COL4A3: variants seen among roughly 807,000 people sequenced by gnomAD.
The protein encoded by COL4A3 is collagen type IV alpha 3 chain, also known as collagen alpha-3(IV) chain.
In COL4A3, 135 loss-of-function variants were observed where a neutral mutation model predicts 217.4. That is an observed-to-expected ratio of 0.62 (90% CI 0.54 to 0.72). The LOEUF (loss-of-function observed/expected upper bound fraction) is 0.72, where lower values mean the gene tolerates loss of function less well. COL4A3 is among the 30% of genes least tolerant of loss of function. The pLI is 0.00. For synonymous variants in COL4A3, 690 were observed against 736.3 expected (o/e 0.94, Z 1.02); for missense variants, 1,868 against 2,119.9 (o/e 0.88, Z 2.33).
rs925887815 is a variant in COL4A3 at position 227,311,027 on chromosome 2, G to A, written c.4928+79G>A. 1.2e-5 allele frequency: 18 copies of A among 1,493,858 alleles called. No homozygotes were observed. The African/African-American group carries it at 1.2e-4, about 10-fold the overall frequency. The allele number at this position is 1,493,858 out of a possible 1,614,324, so 92.5% of individuals were successfully genotyped here. Reference sequence around the variant, plus strand: ...AGGTTGCCTGTGTTCTTGGGTCAACGAGTAGCCATGATTTTGTACTACTGT... The same window carrying A: ...AGGTTGCCTGTGTTCTTGGGTCAACAAGTAGCCATGATTTTGTACTACTGT... On this transcript the variant is annotated intron_variant, in intron 51 of 51. Transcript: ENST00000396578.
chr2:227,257,220 C>G (rs1019087277), intron 17 of COL4A3, among the ~76,000 whole-genome samples: 1 of 152,132 alleles, frequency 6.6e-6, no homozygotes, highest in Non-Finnish European at 1.5e-5. Flanking sequence ...GAAATGACTT[C>G]TTGAAGGAAA....
chr2:227,264,149 C>A (rs4396710), intron 21 of COL4A3, among the ~76,000 whole-genome samples: 1 of 152,076 alleles, frequency 6.6e-6, no homozygotes, highest in Non-Finnish European at 1.5e-5. Context: ...AGTCTTAGCC[C>A]GAGTTTCCCA....
At position 227,191,167 on chromosome 2, in the gene COL4A3, T is replaced by C. The variant is rs190920443; in HGVS notation, c.87+26354T>C. 5.3e-5 allele frequency among the ~76,000 whole-genome samples: 8 copies of C among 152,278 alleles called. No individual in the cohort carries two copies. The East Asian group carries it at 1.5e-3, about 29-fold the overall frequency. On this transcript the variant is annotated intron_variant, in intron 1 of 51. Transcript: ENST00000396578. The surrounding 1 kb of genome is among the most constrained non-coding windows in gnomAD (Gnocchi z 6.8). ...AAATTTTCTCAACCACTTTGCTCTT[T>C]TTGGATACTTGGGGAATAACAAAAT...
In COL4A3 at chr2:227,253,418, G is replaced by A. The variant is rs377105618; in HGVS notation, c.687+81G>A. 6.6e-7 allele frequency: 1 copy of A among 1,519,822 alleles called. No individual in the cohort carries two copies. The highest frequency in any genetic ancestry group is 1.4e-5 in the African/African-American group (1 of 73,088). 94.1% of individuals were successfully genotyped at this position (1,519,822 alleles called of 1,614,324 possible). ...ATCAGCCTATACCGTTTACTTACGG[G>A]CCAAGCTGAAATTGATGGGCCTTCA... is the stretch of plus-strand genomic sequence containing the variant. On this transcript the variant is annotated intron_variant, in intron 12 of 51. Transcript: ENST00000396578. The surrounding 1 kb of genome is among the most constrained non-coding windows in gnomAD (Gnocchi z 4.4).
At chr2:227,295,246 C>A in intron 40 of COL4A3, 23 bp from the exon 41 acceptor site, 1 of 1,612,760 alleles carries the variant, frequency 6.2e-7, no homozygotes, top group Non-Finnish European at 8.5e-7. Context: ...CAATTATTAA[C>A]ATGCCAAGAT....
chr2:227,240,473 G>A (rs1049590088), intron 3 of COL4A3, among the ~76,000 whole-genome samples: 5 of 152,130 alleles, frequency 3.3e-5, no homozygotes, highest in African/African-American at 1.2e-4. Flanking sequence ...CTAACCTACA[G>A]TGTCTACATC....
intron 35 of COL4A3, among the ~76,000 whole-genome samples, 157 bp from the exon 36 acceptor site, chr2:227,289,842 C>A (rs1015126639): frequency 2.0e-5 from 3 of 152,132 alleles, no homozygotes; most frequent in Admixed American, 6.6e-5. Flanking sequence ...GTCCCTAGTT[C>A]CCTCTTATTT....
In COL4A3 at chr2:227,269,818, G is replaced by A. The variant is rs1022217548; in HGVS notation, c.1505-92G>A. 18 of 1,074,186 alleles carry A rather than the reference G, an allele frequency of 1.7e-5. No homozygotes were observed. The African/African-American group carries it at 2.7e-4, about 16-fold the overall frequency. 66.5% of individuals were successfully genotyped at this position (1,074,186 alleles called of 1,614,324 possible). On this transcript the variant is annotated intron_variant, in intron 23 of 51. Transcript: ENST00000396578. ...GAAGTTGTCTTTCTTTCCCCACAAGGAAACACTCTATTTTCTTCATACATT... is the reference window on the plus strand; with the variant it reads ...GAAGTTGTCTTTCTTTCCCCACAAGAAAACACTCTATTTTCTTCATACATT...
At chr2:227,193,170 A>C (rs993442408) in intron 1 of COL4A3, among the ~76,000 whole-genome samples, 7 of 152,336 alleles carry the variant, frequency 4.6e-5, no homozygotes, top group Admixed American at 4.6e-4. Flanking sequence ...CAGTGCTCAT[A>C]GAATATTTAT....
At chr2:227,290,164 G>A (rs750432791) in intron 36 of COL4A3, 76 bp downstream of exon 36, 30 of 1,437,920 alleles carry the variant, frequency 2.1e-5, no homozygotes, top group Non-Finnish European at 2.8e-5. Context: ...GTTGTGTACT[G>A]TTTTGGTTTT....
rs760785744 is a variant in COL4A3, at chr2:227,253,820, T to C, written c.765+182T>C. Reference sequence around the variant, plus strand: ...CTTTACTCATAAATCCTGGAAATATTACATGGGGAAGATCTGAGGCTCCAG... The same window carrying C: ...CTTTACTCATAAATCCTGGAAATATCACATGGGGAAGATCTGAGGCTCCAG... On this transcript the variant is annotated intron_variant, in intron 13 of 51. Transcript: ENST00000396578. This position sits in a 1 kb window ranked among gnomAD's most constrained non-coding sequence, Gnocchi z 4.4. Among the ~76,000 whole-genome samples the C allele has an allele frequency of 6.6e-6, 1 of 151,792 alleles. No individual in the cohort carries two copies. The highest frequency in any genetic ancestry group is 1.5e-5 in the Non-Finnish European group (1 of 67,984).
At chr2:227,305,251 T>C (rs2073454251) in intron 47 of COL4A3, among the ~76,000 whole-genome samples, 168 bp downstream of exon 47, 1 of 152,182 alleles carries the variant, frequency 6.6e-6, no homozygotes, top group Admixed American at 6.5e-5. Context: ...GAATCAAGAA[T>C]TATTGGAACA....
In COL4A3 at chr2:227,312,134, T is replaced by C. The variant is rs1156959149; in HGVS notation, c.*264T>C. On this transcript the variant is annotated 3_prime_UTR_variant, in exon 52 of 52. Transcript: ENST00000396578. The stretch of plus-strand genomic sequence containing the variant: ...AATATCACCAAAAACCTATTCCACT[T>C]ACATCCAAGGCACTGTCACTACGGT... The C allele has an allele frequency of 1.5e-5, 7 of 462,412 alleles. No individual in the cohort carries two copies. Among genetic ancestry groups the C allele is most frequent in the Non-Finnish European group, 2.8e-5 (7 of 253,660 alleles). The allele number at this position is 462,412 out of a possible 1,614,324, so 28.6% of individuals were successfully genotyped here.
In COL4A3 at chr2:227,277,436, A is replaced by C; in HGVS notation, c.2021-13A>C. The stretch of plus-strand genomic sequence containing the variant: ...TGCTGATGTGGAGATGCATATGTGT[A>C]TTTGTTTCTAAGGTATCCCTGGATC... On this transcript the variant is annotated splice_polypyrimidine_tract_variant and intron_variant, in intron 27 of 51. Transcript: ENST00000396578. 1 of 1,555,568 alleles carries C rather than the reference A, an allele frequency of 6.4e-7. No homozygotes were observed.
Position 227,311,913 on chromosome 2 carries a change from A to C in COL4A3, c.*43A>C, listed in dbSNP as rs1559925876. Reference sequence around the variant, plus strand: ...GAACTGCTATTTTTCATCCTAAAGAACAAAGTAATGACAGAACATGCTGTT... The same window carrying C: ...GAACTGCTATTTTTCATCCTAAAGACCAAAGTAATGACAGAACATGCTGTT... On this transcript the variant is annotated 3_prime_UTR_variant, in exon 52 of 52. Coordinates refer to ENST00000396578, the MANE Select transcript of COL4A3 (RefSeq NM_000091.5). 1 of 1,611,690 alleles carries C rather than the reference A, an allele frequency of 6.2e-7. No homozygotes were observed.
At chr2:227,210,160 A>G (rs1231636951) in intron 1 of COL4A3, among the ~76,000 whole-genome samples, 2 of 152,236 alleles carry the variant, frequency 1.3e-5, no homozygotes, top group African/African-American at 4.8e-5. Flanking sequence ...AACTGATGTT[A>G]AATATTGTTG....
Position 227,282,464 on chromosome 2 carries a change from A to G in COL4A3, c.2588A>G (p.His863Arg). ...ACTGGATCACCAGGAATTCCAGGTC[A>G]TCAAGGTGAAATGGGACCACTGGGT... ...GETGSPGIPG[H>R]QGEMGPLGQR... Residue 863 changes from histidine to arginine, a missense_variant, in exon 32 of 52, where the codon CAT (histidine) becomes CGT (arginine). By Grantham distance (29) the His-to-Arg change is conservative (BLOSUM62 0). Around this residue, in one of 2 missense-constraint regions of COL4A3, gnomAD observed 1,503 missense variants for 1,786.1 expected, o/e 0.84. Coordinates refer to ENST00000396578, the MANE Select transcript of COL4A3 (RefSeq NM_000091.5). This position sits in a 1 kb window ranked among gnomAD's most constrained non-coding sequence, Gnocchi z 4.4. The G allele has an allele frequency of 1.2e-6, 2 of 1,613,990 alleles. No homozygotes were observed. Among genetic ancestry groups the G allele is most frequent in the Non-Finnish European group, 1.7e-6 (2 of 1,179,974 alleles).
At chr2:227,254,284 G>A in intron 14 of COL4A3, 110 bp downstream of exon 14, 2 of 929,872 alleles carry the variant, frequency 2.2e-6, no homozygotes, top group Non-Finnish European at 3.4e-6. Flanking sequence ...GAAAGTAAAG[G>A]AATAAAAGAA....
intron 34 of COL4A3, among the ~76,000 whole-genome samples, 161 bp downstream of exon 34, chr2:227,284,506 T>A (rs561380812): frequency 6.6e-6 from 1 of 152,286 alleles, no homozygotes; most frequent in South Asian, 2.1e-4. Flanking sequence ...GCCTTAGAAC[T>A]GAGTCACCTT....
Sources: allele counts gnomAD v4.1 joint callset (sites outside exome capture counted in the v4.1 genomes callset), GRCh38; gene constraint gnomAD v4.1.1; regional missense constraint gnomAD v4.1.1; non-coding constraint Gnocchi (gnomAD v3.1); transcripts MANE v1.5; gene names NCBI Gene and HGNC (gene_info 2026-07-23, HGNC 2026-07-21).